The following TIGAR variants were observed in gnomAD, a reference collection of about 807,000 sequenced individuals.
The protein encoded by TIGAR is TP53 induced glycolysis regulatory phosphatase, also known as fructose-2,6-bisphosphatase TIGAR.
Under a neutral mutation model 17.9 loss-of-function variants are expected in TIGAR, and 7 were observed. That is an observed-to-expected ratio of 0.39 (90% CI 0.22 to 0.73). TIGAR has a LOEUF of 0.73. Among genes scored for constraint, TIGAR ranks in the 30% least tolerant of loss-of-function variants. The probability of loss-of-function intolerance (pLI) is 0.42; values close to 1 mark genes in which losing one functional copy is unlikely to be tolerated. For synonymous variants in TIGAR, 94 were observed against 108.6 expected (o/e 0.87, Z 0.84); for missense variants, 258 against 327.4 (o/e 0.79, Z 1.64).
At chr12:4,325,762 A>C (rs1036231110) in intron 1 of TIGAR, among the ~76,000 whole-genome samples, 8 of 151,682 alleles carry the variant, frequency 5.3e-5, no homozygotes, top group African/African-American at 1.7e-4. Context: ...AAAAAAAAGA[A>C]AGACCACCAA....
intron 2 of TIGAR, among the ~76,000 whole-genome samples, chr12:4,333,977 T>C (rs1432776999): frequency 6.6e-6 from 1 of 152,136 alleles, no homozygotes; most frequent in African/African-American, 2.4e-5. Flanking sequence ...TTTTTTTCTT[T>C]GTTTTTTTTT....
rs1261380752 is a variant in TIGAR, at chr12:4,359,638, C to G, written c.*6947C>G. ...CACAAGGACCATTTCTAGTTTGGAG[C>G]TATTATGAATAAAGCTGCTATAAAT... On this transcript the variant is annotated 3_prime_UTR_variant, in exon 6 of 6. Coordinates refer to ENST00000179259, the MANE Select transcript of TIGAR (RefSeq NM_020375.3). Among the ~76,000 whole-genome samples the G allele has an allele frequency of 6.6e-6, 1 of 152,066 alleles. No homozygotes were observed.
At chr12:4,333,867 T>G (rs1371138320) in intron 2 of TIGAR, among the ~76,000 whole-genome samples, 1 of 152,226 alleles carries the variant, frequency 6.6e-6, no homozygotes, top group African/African-American at 2.4e-5. Flanking sequence ...CCCAAAGTGT[T>G]GGGATTACAG....
In TIGAR at chr12:4,354,915, G is replaced by A. The variant is rs566478478; in HGVS notation, c.*2224G>A. On this transcript the variant is annotated 3_prime_UTR_variant, in exon 6 of 6. Transcript: ENST00000179259. ...CCTGGCCTTTTTTTTTTTTTTAGTA[G>A]AGACGGGGTTTCGCCATGTTGGCCA... 6.8e-6 allele frequency among the ~76,000 whole-genome samples: 1 copy of A among 146,450 alleles called. No individual in the cohort carries two copies. Among genetic ancestry groups the A allele is most frequent in the African/African-American group, 2.5e-5 (1 of 39,636 alleles).
chr12:4,334,335 T>C (rs1864636028), intron 2 of TIGAR, among the ~76,000 whole-genome samples: 1 of 152,148 alleles, frequency 6.6e-6, no homozygotes, highest in South Asian at 2.1e-4. Context: ...GAGAGATAGA[T>C]TGAGAACACT....
intron 1 of TIGAR, among the ~76,000 whole-genome samples, chr12:4,328,906 G>A (rs916507240): frequency 3.3e-5 from 5 of 152,048 alleles, no homozygotes; most frequent in Non-Finnish European, 5.9e-5. Context: ...TTTATCATAC[G>A]TTTATTTTTT....
rs34361486 is a variant in TIGAR, at chr12:4,354,896, C to CT, written c.*2219dup. ...ACAGGCATGCACCACCACGCCTGGCCTTTTTTTTTTTTTTAGTAGAGACGG... is the reference window on the plus strand; with the variant it reads ...ACAGGCATGCACCACCACGCCTGGCCTTTTTTTTTTTTTTTAGTAGAGACGG... On this transcript the variant is annotated 3_prime_UTR_variant, in exon 6 of 6. Coordinates refer to ENST00000179259, the MANE Select transcript of TIGAR (RefSeq NM_020375.3). 0.42 allele frequency among the ~76,000 whole-genome samples: 58,525 copies of CT among 139,878 alleles called. 12,189 individuals carry two copies. Among genetic ancestry groups the CT allele is most frequent in the East Asian group, 0.53 (2,519 of 4,766 alleles). 91.8% of individuals were successfully genotyped at this position (139,878 alleles called of 152,430 possible). A position where few individuals can be genotyped will look rare whatever the true frequency, so the allele number is the denominator to read the frequency against.
chr12:4,345,081 A>G (rs973894272), intron 3 of TIGAR, among the ~76,000 whole-genome samples: 5 of 152,204 alleles, frequency 3.3e-5, no homozygotes, highest in African/African-American at 1.2e-4. Context: ...AAGGAGCACT[A>G]TAAACCACTG....
In TIGAR at chr12:4,354,583, C is replaced by A. The variant is rs985358773; in HGVS notation, c.*1892C>A. 1 of 151,650 alleles carries A rather than the reference C, an allele frequency of 6.6e-6. No homozygotes were observed. Among genetic ancestry groups the A allele is most frequent in the Non-Finnish European group, 1.5e-5 (1 of 67,926 alleles). 9.4% of individuals were successfully genotyped at this position (151,650 alleles called of 1,614,324 possible). A position where few individuals can be genotyped will look rare whatever the true frequency, so the allele number is the denominator to read the frequency against. ...AAATAAATATCAAGCCATCTGTGTT[C>A]TTTATTTTTACTTATGTCTTGGAGG... On this transcript the variant is annotated 3_prime_UTR_variant, in exon 6 of 6. Coordinates refer to ENST00000179259, the MANE Select transcript of TIGAR (RefSeq NM_020375.3).
intron 3 of TIGAR, among the ~76,000 whole-genome samples, chr12:4,338,975 C>CAAAAAAAAAAAAAAAAAAAAAAAAAA (rs199840929): frequency 2.6e-5 from 1 of 38,188 alleles, no homozygotes; most frequent in African/African-American, 9.7e-5. Context: ...AACTTTGTCT[C>CAAAAAAAAAAAAAAAAAAAAAAAAAA]ACAAAAAAAA....
chr12:4,328,521 A>G (rs1380364677), intron 1 of TIGAR, among the ~76,000 whole-genome samples: 2 of 151,504 alleles, frequency 1.3e-5, no homozygotes, highest in African/African-American at 2.4e-5. Flanking sequence ...ATTAACAACA[A>G]TGATAATGGC....
chr12:4,352,184 C>G (rs374820076), intron 5 of TIGAR, 76 bp from the exon 6 acceptor site: 5 of 1,281,126 alleles, frequency 3.9e-6, no homozygotes, highest in South Asian at 1.5e-5. Flanking sequence ...AAAATCCAGT[C>G]AGTTATGTTC....
rs1022211725 is a variant in TIGAR, at chr12:4,355,078, A to G, written c.*2387A>G. On this transcript the variant is annotated 3_prime_UTR_variant, in exon 6 of 6. Transcript: ENST00000179259. ...TGTTCTTAATTTTTAAGACAAACCAATATACCTTATCCTTTATGGGGTTTT... is the reference window on the plus strand; with the variant it reads ...TGTTCTTAATTTTTAAGACAAACCAGTATACCTTATCCTTTATGGGGTTTT... 6.6e-6 allele frequency among the ~76,000 whole-genome samples: 1 copy of G among 152,052 alleles called. No homozygotes were observed. Among genetic ancestry groups the G allele is most frequent in the Non-Finnish European group, 1.5e-5 (1 of 67,996 alleles).
chr12:4,325,660 T>G, intron 1 of TIGAR, among the ~76,000 whole-genome samples: 1 of 150,352 alleles, frequency 6.7e-6, no homozygotes, highest in Middle Eastern at 3.2e-3. Context: ...GAGAATCTCT[T>G]GAACCCGGGA....
intron 1 of TIGAR, among the ~76,000 whole-genome samples, chr12:4,325,778 T>C (rs1193753899): frequency 6.6e-6 from 1 of 151,684 alleles, no homozygotes; most frequent in East Asian, 1.9e-4. Flanking sequence ...ACCAAAAGTC[T>C]TGTGTTACTA....
intron 5 of TIGAR, 74 bp from the exon 6 acceptor site, chr12:4,352,186 G>T (rs1864843655): frequency 1.5e-6 from 2 of 1,323,902 alleles, no homozygotes; most frequent in East Asian, 4.7e-5. Flanking sequence ...AATCCAGTCA[G>T]TTATGTTCTA....
chr12:4,344,874 C>T lies in TIGAR; in HGVS notation c.193-4945C>T, dbSNP rs1038737479. On this transcript the variant is annotated intron_variant, in intron 3 of 5. Transcript: ENST00000179259. The stretch of plus-strand genomic sequence containing the variant: ...TTGTATATCTAGAAAACCCCATTGT[C>T]TCAGCCCCAAATCTCCTTAAGCTGA... 5.3e-5 allele frequency among the ~76,000 whole-genome samples: 8 copies of T among 152,186 alleles called. No homozygotes were observed. The East Asian group carries it at 5.8e-4, about 11-fold the overall frequency.
In TIGAR at chr12:4,359,425, A is replaced by G. The variant is rs1224169570; in HGVS notation, c.*6734A>G. Among the ~76,000 whole-genome samples, 2 of 152,012 alleles carry G rather than the reference A, an allele frequency of 1.3e-5. No individual in the cohort carries two copies. The highest frequency in any genetic ancestry group is 1.3e-4 in the Admixed American group (2 of 15,244). ...ATTCTTCCCGAGCCCCAGCCCCAGAATCAGCTTTTTCTCTAAAGAGCCCTG... is the reference window on the plus strand; with the variant it reads ...ATTCTTCCCGAGCCCCAGCCCCAGAGTCAGCTTTTTCTCTAAAGAGCCCTG... On this transcript the variant is annotated 3_prime_UTR_variant, in exon 6 of 6. Coordinates refer to ENST00000179259, the MANE Select transcript of TIGAR (RefSeq NM_020375.3).
At position 4,337,137 on chromosome 12, in the gene TIGAR, A is replaced by G. The variant is rs2120667214; in HGVS notation, c.169A>G (p.Ser57Gly). 1 of 1,612,902 alleles carries G rather than the reference A, an allele frequency of 6.2e-7. No homozygotes were observed. Among genetic ancestry groups the G allele is most frequent in the Non-Finnish European group, 8.5e-7 (1 of 1,178,998 alleles). ...NNVKFTHAFS[S>G]DLMRTKQTMH... is the part of the protein sequence containing the mutation. ...TGTGAAGTTTACTCATGCTTTCTCC[A>G]GTGATCTCATGAGGACAAAGCAGGT... The change falls in exon 3 of 6, where the codon AGT (serine) becomes GGT (glycine). Residue 57 changes from serine (S) to glycine (G), a missense_variant. Ser to Gly is a moderately conservative substitution (Grantham distance 56). Transcript: ENST00000179259.
Sources: allele counts gnomAD v4.1 joint callset (sites outside exome capture counted in the v4.1 genomes callset), GRCh38; gene constraint gnomAD v4.1.1; transcripts MANE v1.5; gene names NCBI Gene and HGNC (gene_info 2026-07-23, HGNC 2026-07-21).